The following WAC variants were observed in gnomAD, a reference collection of about 807,000 sequenced individuals.
WAC encodes WW domain-containing adapter protein with coiled-coil.
In WAC, 11 loss-of-function variants were observed where a neutral mutation model predicts 79.6. The ratio of observed to expected loss-of-function variants is 0.14; its 90% CI spans 0.09 to 0.23. WAC has a LOEUF of 0.23. Ranked by LOEUF, WAC falls within the 10% of genes least tolerant of loss-of-function variation. The pLI is 1.00. For missense variants in WAC, 728 were observed against 773.5 expected (o/e 0.94, Z 0.70); for synonymous variants, 304 against 276.9 (o/e 1.10, Z -0.97).
At chr10:28,534,583 A>G (rs1003237436) in intron 2 of WAC, among the ~76,000 whole-genome samples, 1 of 152,204 alleles carries the variant, frequency 6.6e-6, no homozygotes, top group African/African-American at 2.4e-5. Flanking sequence ...GGGTACTTGG[A>G]TAATCATTCT....
chr10:28,605,998 T>C (rs1432647109), intron 7 of WAC, among the ~76,000 whole-genome samples: 1 of 152,054 alleles, frequency 6.6e-6, no homozygotes, highest in Non-Finnish European at 1.5e-5. Context: ...AGAATACTGC[T>C]AATATGCTCT....
At chr10:28,565,553 G>C (rs759472815) in intron 3 of WAC, among the ~76,000 whole-genome samples, 1 of 152,070 alleles carries the variant, frequency 6.6e-6, no homozygotes, top group Non-Finnish European at 1.5e-5. Flanking sequence ...TAATGTTCTA[G>C]TGACAGTTAA....
chr10:28,594,040 G>C (rs1423839881), intron 6 of WAC, among the ~76,000 whole-genome samples: 4 of 152,226 alleles, frequency 2.6e-5, no homozygotes, highest in Non-Finnish European at 1.5e-5. Flanking sequence ...CTCCAGTCAG[G>C]ACAAGCAAAG....
chr10:28,534,204 CCAG>C lies in WAC; in HGVS notation c.78+173_78+175del, dbSNP rs776523915. On this transcript the variant is annotated intron_variant, in intron 2 of 13. Coordinates refer to ENST00000354911, the MANE Select transcript of WAC (RefSeq NM_016628.5). ...CCAGGTTTGGTTCCTTTAGCGCTCT[CCAG>C]CAAGGTTTAGTGACTTATTTTGACA... The C allele has an allele frequency of 5.1e-5, 29 of 572,382 alleles. No individual in the cohort carries two copies. In the Middle Eastern group the frequency reaches 1.3e-3, roughly 25 times the overall value. 35.5% of individuals were successfully genotyped at this position (572,382 alleles called of 1,614,324 possible).
intron 8 of WAC, 179 bp downstream of exon 8, chr10:28,608,610 C>CCATTGG: frequency 1.6e-6 from 1 of 639,474 alleles, no homozygotes; most frequent in Admixed American, 3.2e-5. Flanking sequence ...TAGTTTAAGA[C>CCATTGG]CATTGGTAGT....
intron 7 of WAC, among the ~76,000 whole-genome samples, chr10:28,600,201 C>T (rs772976516): frequency 1.4e-5 from 2 of 146,720 alleles, no homozygotes; most frequent in Non-Finnish European, 3.0e-5. Context: ...GCTAGCTCTC[C>T]GTATGAACAT....
intron 4 of WAC, among the ~76,000 whole-genome samples, chr10:28,586,723 A>G (rs1345729600): frequency 6.6e-6 from 1 of 152,064 alleles, no homozygotes; most frequent in Non-Finnish European, 1.5e-5. Flanking sequence ...TAAAAAAATC[A>G]TGGTATGACT....
At chr10:28,593,726 C>A (rs1241493679) in intron 6 of WAC, among the ~76,000 whole-genome samples, 5 of 95,184 alleles carry the variant, frequency 5.3e-5, no homozygotes, top group Non-Finnish European at 1.0e-4. Context: ...CAGTGAGACT[C>A]TCTCAAAAAA....
chr10:28,596,546 T>A (rs1360174137), intron 7 of WAC, among the ~76,000 whole-genome samples: 4 of 152,204 alleles, frequency 2.6e-5, no homozygotes, highest in Non-Finnish European at 5.9e-5. Flanking sequence ...GAGTGGAAGT[T>A]AAACGTTGCA....
At chr10:28,560,729 TAG>T (rs764421821) in intron 3 of WAC, among the ~76,000 whole-genome samples, 4 of 152,214 alleles carry the variant, frequency 2.6e-5, no homozygotes, top group Non-Finnish European at 5.9e-5. Flanking sequence ...TTTGCTGCTA[TAG>T]AGTCTCTTGC....
At chr10:28,554,379 C>A (rs1455538499) in intron 3 of WAC, among the ~76,000 whole-genome samples, 2 of 152,034 alleles carry the variant, frequency 1.3e-5, no homozygotes, top group South Asian at 2.1e-4. Flanking sequence ...TATCTAGAAT[C>A]AGTTAATATT....
chr10:28,611,624 C>T, intron 9 of WAC, 150 bp from the exon 10 acceptor site: 2 of 1,243,170 alleles, frequency 1.6e-6, no homozygotes, highest in Non-Finnish European at 1.1e-6. Context: ...AGGTCAGATT[C>T]TGATTTATTC....
intron 3 of WAC, among the ~76,000 whole-genome samples, chr10:28,541,429 T>TTG (rs1837036586): frequency 2.1e-5 from 3 of 140,092 alleles, no homozygotes; most frequent in South Asian, 2.3e-4. Context: ...TGTTTTTTTT[T>TTG]TTTTTTTTTT....
intron 6 of WAC, chr10:28,591,265 T>A (rs1465039622): frequency 6.1e-6 from 1 of 163,662 alleles, no homozygotes; most frequent in Non-Finnish European, 1.3e-5. Context: ...TTTTTTATGT[T>A]ACCAGTGAGT....
chr10:28,553,213 A>G (rs1486620644), intron 3 of WAC, among the ~76,000 whole-genome samples: 1 of 152,016 alleles, frequency 6.6e-6, no homozygotes, highest in Non-Finnish European at 1.5e-5. Flanking sequence ...ATTATAAACA[A>G]ATCTTTTATA....
In WAC at chr10:28,621,215, A is replaced by ATTTTTTTTTT. The variant is rs9331408; in HGVS notation, c.*1620_*1629dup. On this transcript the variant is annotated 3_prime_UTR_variant, in exon 14 of 14. Coordinates refer to ENST00000354911, the MANE Select transcript of WAC (RefSeq NM_016628.5). The stretch of plus-strand genomic sequence containing the variant: ...TAAATTGGTTTAGGGTTTTTTGGTG[A>ATTTTTTTTTT]TTTTTTTTTTTTTTTTTTTTCTGTT... The ATTTTTTTTTT allele has an allele frequency of 2.0e-5, 2 of 102,504 alleles. No homozygotes were observed. The highest frequency in any genetic ancestry group is 3.9e-5 in the Non-Finnish European group (2 of 51,872). 6.3% of individuals were successfully genotyped at this position (102,504 alleles called of 1,614,324 possible).
intron 7 of WAC, among the ~76,000 whole-genome samples, chr10:28,605,366 G>A (rs2772432): frequency 0.35 from 53,857 of 152,030 alleles, 10,335 homozygotes; most frequent in East Asian, 0.54. Flanking sequence ...GTGGCTTGGA[G>A]CCCAGGTATC....
chr10:28,565,814 T>G (rs904043128), intron 3 of WAC, among the ~76,000 whole-genome samples: 6 of 152,244 alleles, frequency 3.9e-5, no homozygotes, highest in Non-Finnish European at 8.8e-5. Flanking sequence ...ACATACTGTA[T>G]AACAAATACA....
intron 3 of WAC, among the ~76,000 whole-genome samples, chr10:28,548,405 G>T (rs1168955853): frequency 3.3e-5 from 5 of 151,568 alleles, no homozygotes; most frequent in Admixed American, 6.6e-5. Context: ...CTTCTCTTTT[G>T]CCTGGTAAAT....
Sources: gnomAD v4.1 joint callset for allele counts (sites outside exome capture counted in the v4.1 genomes callset) on GRCh38, gnomAD v4.1.1 for gene constraint, MANE v1.5 for transcripts, NCBI Gene and HGNC (gene_info 2026-07-23, HGNC 2026-07-21) for gene names.